TMPRSS13: variants seen among roughly 807,000 people sequenced by gnomAD.
TMPRSS13 encodes the protein transmembrane protease serine 13.
In TMPRSS13, 50 loss-of-function variants were observed where a neutral mutation model predicts 68.4. That is an observed-to-expected ratio of 0.73 (90% CI 0.58 to 0.93). The LOEUF is 0.93. Among genes scored for constraint, TMPRSS13 ranks in the 40% least tolerant of loss-of-function variants. The pLI, the probability that TMPRSS13 is intolerant of heterozygous loss-of-function variation, is 0.00. For missense variants in TMPRSS13, 615 were observed against 729.2 expected, an observed-to-expected ratio of 0.84 and a Z score of 1.80; for synonymous variants, 267 against 285.8, an observed-to-expected ratio of 0.93 and a Z score of 0.66.
chr11:117,913,855 T>C lies in TMPRSS13; in HGVS notation c.731A>G (p.His244Arg), dbSNP rs1200584857. The C allele has an allele frequency of 5.6e-6, 9 of 1,613,998 alleles. No individual in the cohort carries two copies. Among genetic ancestry groups the C allele is most frequent in the South Asian group, 1.1e-5 (1 of 91,086 alleles). The change falls in exon 5 of 13, where the codon CAT becomes CGT. Residue 244 changes from histidine to arginine, a missense_variant. By Grantham distance (29) the His-to-Arg change is conservative (BLOSUM62 0). Transcript: ENST00000524993. ...GCTGCTACAGATGGGAAGCCACTGA[T>C]GGGAGGACCCAGAGTAGATTTTAAG... Reference protein sequence around the residue: ...SLLKIYSGSSHQWLPICSSNW... With the variant: ...SLLKIYSGSSRQWLPICSSNW...
In TMPRSS13 at chr11:117,909,972, G is replaced by T; in HGVS notation, c.947-4C>A. ...GTCATGGCCCTCAGTCCGCAGTCTG[G>T]AGGGAAGGAGTAGACGTACTGTGAA... On this transcript the variant is annotated splice_polypyrimidine_tract_variant and splice_region_variant and intron_variant, in intron 7 of 12. Coordinates refer to ENST00000524993, the MANE Select transcript of TMPRSS13 (RefSeq NM_001077263.3). The T allele has an allele frequency of 6.2e-7, 1 of 1,613,634 alleles. No homozygotes were observed. The highest frequency in any genetic ancestry group is 8.5e-7 in the Non-Finnish European group (1 of 1,179,596).
chr11:117,919,515 G>A (rs1002910135), intron 1 of TMPRSS13, among the ~76,000 whole-genome samples: 2 of 152,166 alleles, frequency 1.3e-5, no homozygotes, highest in Non-Finnish European at 1.5e-5. Flanking sequence ...CCTGGGCCTC[G>A]GCTCCTGCCA....
chr11:117,903,421 G>A (rs2057428129), intron 12 of TMPRSS13: 2 of 1,536,088 alleles, frequency 1.3e-6, no homozygotes, highest in Non-Finnish European at 1.7e-6. Flanking sequence ...TGCCTGGCCT[G>A]TAGGTCCACC....
At chr11:117,908,461 T>C (rs1287283454) in intron 9 of TMPRSS13, 151 bp downstream of exon 9, 2 of 794,036 alleles carry the variant, frequency 2.5e-6, no homozygotes, top group Non-Finnish European at 4.0e-6. Flanking sequence ...AAAACAGAAG[T>C]GTTCCATGTA....
chr11:117,909,158 G>C (rs574251863), intron 8 of TMPRSS13, among the ~76,000 whole-genome samples: 1 of 152,294 alleles, frequency 6.6e-6, no homozygotes, highest in Non-Finnish European at 1.5e-5. Context: ...AAGTCACAGG[G>C]CTGCAGAAGG....
At chr11:117,920,355 G>T (rs926785574) in intron 1 of TMPRSS13, among the ~76,000 whole-genome samples, 38 of 152,126 alleles carry the variant, frequency 2.5e-4, no homozygotes, top group Non-Finnish European at 3.7e-4. Flanking sequence ...TTGCTCGTTT[G>T]TTTTTTTGAG....
Position 117,922,892 on chromosome 11 carries a change from C to T in TMPRSS13, c.22-4054G>A, listed in dbSNP as rs926697575. ...AGCCCTTACCATGACATGGAACAGG[C>T]CCACACCCCAGGCTGTCACTGCTAC... is the stretch of plus-strand genomic sequence containing the variant. On this transcript the variant is annotated intron_variant, in intron 1 of 12. Coordinates refer to ENST00000524993, the MANE Select transcript of TMPRSS13 (RefSeq NM_001077263.3). This position sits in a 1 kb window ranked among gnomAD's most constrained non-coding sequence, Gnocchi z 4.2. 2.6e-5 allele frequency among the ~76,000 whole-genome samples: 4 copies of T among 152,238 alleles called. No individual in the cohort carries two copies. The highest frequency in any genetic ancestry group is 9.6e-5 in the African/African-American group (4 of 41,454).
chr11:117,902,428 G>A (rs1357370215), intron 12 of TMPRSS13, among the ~76,000 whole-genome samples, 163 bp from the exon 13 acceptor site: 3 of 152,176 alleles, frequency 2.0e-5, no homozygotes, highest in Admixed American at 2.0e-4. Flanking sequence ...AGGATTGGAG[G>A]GCCTCTCTGC....
intron 9 of TMPRSS13, among the ~76,000 whole-genome samples, 173 bp from the exon 10 acceptor site, chr11:117,905,909 A>C (rs915856568): frequency 6.6e-6 from 1 of 152,114 alleles, no homozygotes; most frequent in Non-Finnish European, 1.5e-5. Context: ...CCAGACATGA[A>C]ACTCGATCAC....
rs780272662 is a variant in TMPRSS13, at chr11:117,914,551, G to T, written c.557-37C>A. ...GAAGCAGACAGCTGGGTCATGGCCAGCCCCACTGAGATGAGACACTGAGCA... is the reference window on the plus strand; with the variant it reads ...GAAGCAGACAGCTGGGTCATGGCCATCCCCACTGAGATGAGACACTGAGCA... On this transcript the variant is annotated intron_variant, in intron 3 of 12. Coordinates refer to ENST00000524993, the MANE Select transcript of TMPRSS13 (RefSeq NM_001077263.3). The surrounding 1 kb of genome is among the most constrained non-coding windows in gnomAD (Gnocchi z 4.2). 1 of 1,611,042 alleles carries T rather than the reference G, an allele frequency of 6.2e-7. No individual in the cohort carries two copies. Among genetic ancestry groups the T allele is most frequent in the East Asian group, 2.2e-5 (1 of 44,858 alleles).
chr11:117,923,060 C>T (rs2057663379), intron 1 of TMPRSS13, among the ~76,000 whole-genome samples: 1 of 152,228 alleles, frequency 6.6e-6, no homozygotes, highest in Non-Finnish European at 1.5e-5. Context: ...AAAGGAGCAG[C>T]CCCTGGCTCT....
rs755586532 is a variant in TMPRSS13 at position 117,911,764 on chromosome 11, A to G, written c.902+4T>C. 48 of 1,613,278 alleles carry G rather than the reference A, an allele frequency of 3.0e-5. No individual in the cohort carries two copies. In the South Asian group the frequency reaches 4.1e-4, roughly 14 times the overall value. On this transcript the variant is annotated splice_donor_region_variant and intron_variant, in intron 6 of 12. Coordinates refer to ENST00000524993, the MANE Select transcript of TMPRSS13 (RefSeq NM_001077263.3). ...AAACAGGCAGCCTGCCTGCCCCACC[A>G]TACCTGTGGAGGCTTTCCTGGATGG...
intron 1 of TMPRSS13, among the ~76,000 whole-genome samples, chr11:117,928,368 G>T (rs943753826): frequency 1.3e-5 from 2 of 152,208 alleles, no homozygotes; most frequent in Non-Finnish European, 2.9e-5. Flanking sequence ...GGTAAAGTTT[G>T]CAGAAACACA....
intron 5 of TMPRSS13, 52 bp from the exon 6 acceptor site, chr11:117,911,912 C>A: frequency 1.3e-6 from 2 of 1,492,116 alleles, no homozygotes; most frequent in South Asian, 1.1e-5. Context: ...CAGAGTCATC[C>A]CAAGTCCTCC....
At chr11:117,918,067 C>T (rs992442812) in intron 2 of TMPRSS13, among the ~76,000 whole-genome samples, 2 of 152,124 alleles carry the variant, frequency 1.3e-5, no homozygotes, top group African/African-American at 2.4e-5. Flanking sequence ...TAGGCAGACC[C>T]ACAGGACAGC....
rs1298280035 is a variant in TMPRSS13, at chr11:117,928,780, C to T, written c.21+507G>A. 4.6e-5 allele frequency among the ~76,000 whole-genome samples: 7 copies of T among 152,276 alleles called. No individual in the cohort carries two copies. The East Asian group carries it at 1.2e-3, about 25-fold the overall frequency. The stretch of plus-strand genomic sequence containing the variant: ...ATTAAGTCCAAAAAGAAGTGACCAA[C>T]GGAGGTTGAAACATCCCCTTGAAAA... On this transcript the variant is annotated intron_variant, in intron 1 of 12. Transcript: ENST00000524993.
intron 1 of TMPRSS13, among the ~76,000 whole-genome samples, chr11:117,925,003 G>T (rs1036576230): frequency 6.6e-6 from 1 of 152,174 alleles, no homozygotes; most frequent in Non-Finnish European, 1.5e-5. Flanking sequence ...CTCCTAGGCC[G>T]CCGTGTGACC....
In TMPRSS13 at chr11:117,911,783, T is replaced by C; in HGVS notation, c.887A>G (p.Gln296Arg). 2 of 1,613,994 alleles carry C rather than the reference T, an allele frequency of 1.2e-6. No homozygotes were observed. The highest frequency in any genetic ancestry group is 1.7e-6 in the Non-Finnish European group (2 of 1,179,960). Reference protein sequence around the residue: ...FSILRYNSTIQESLHRSECPS... With the variant: ...FSILRYNSTIRESLHRSECPS... ...CCCACCATACCTGTGGAGGCTTTCC[T>C]GGATGGTGGAGTTGTATCTCAAGAT... Residue 296 changes from glutamine to arginine, a missense_variant, in exon 6 of 13, where the codon CAG (glutamine) becomes CGG (arginine). Transcript: ENST00000524993.
At chr11:117,904,861 T>TTATATATATATA (rs58001868) in intron 10 of TMPRSS13, among the ~76,000 whole-genome samples, 1,234 of 99,678 alleles carry the variant, frequency 0.012, 32 homozygotes, top group Non-Finnish European at 0.02. Flanking sequence ...CTAGATAAGA[T>TTATATATATATA]TATATATATA....
Sources: gnomAD v4.1 joint callset for allele counts (sites outside exome capture counted in the v4.1 genomes callset) on GRCh38, gnomAD v4.1.1 for gene constraint, Gnocchi (gnomAD v3.1) non-coding constraint, MANE v1.5 for transcripts, NCBI Gene and HGNC (gene_info 2026-07-23, HGNC 2026-07-21) for gene names.